SPRED1: variants seen among roughly 807,000 people sequenced by gnomAD.
SPRED1 encodes sprouty related EVH1 domain containing 1.
SPRED1 carries 18 observed loss-of-function variants against 52.3 expected under a neutral mutation model. The ratio of observed to expected loss-of-function variants is 0.34; its 90% CI spans 0.24 to 0.51. The LOEUF is 0.51. Among genes scored for constraint, SPRED1 ranks in the 20% least tolerant of loss-of-function variants. The probability of loss-of-function intolerance (pLI) is 0.97; values close to 1 mark genes in which losing one functional copy is unlikely to be tolerated. For missense variants in SPRED1, 485 were observed against 551.0 expected (o/e 0.88, Z 1.20); for synonymous variants, 155 against 179.7 (o/e 0.86, Z 1.10).
chr15:38,283,474 T>A, intron 1 of SPRED1: 1 of 979,878 alleles, frequency 1.0e-6, no homozygotes. Context: ...ATATTACAGA[T>A]TTTGTGATTT....
intron 4 of SPRED1, among the ~76,000 whole-genome samples, chr15:38,329,350 G>A (rs1166912621): frequency 2.6e-5 from 4 of 152,102 alleles, no homozygotes; most frequent in Admixed American, 2.0e-4. Flanking sequence ...ATGATTAGAA[G>A]GCTATGATTT....
intron 5 of SPRED1, among the ~76,000 whole-genome samples, chr15:38,341,370 T>G (rs1456821709): frequency 6.6e-6 from 1 of 152,066 alleles, no homozygotes; most frequent in African/African-American, 2.4e-5. Context: ...TGGTTTTAGA[T>G]TCTTGTGAAA....
At chr15:38,280,438 C>T (rs779862584) in intron 1 of SPRED1, among the ~76,000 whole-genome samples, 20 of 152,062 alleles carry the variant, frequency 1.3e-4, no homozygotes, top group Non-Finnish European at 2.1e-4. Context: ...TTGAAAAATA[C>T]AGAAAGGTAC....
chr15:38,350,369 A>G lies in SPRED1; in HGVS notation c.685-645A>G, dbSNP rs561544482. 6.6e-5 allele frequency among the ~76,000 whole-genome samples: 10 copies of G among 152,222 alleles called. No individual in the cohort carries two copies. The South Asian group carries it at 2.1e-3, about 32-fold the overall frequency. Reference sequence around the variant, plus strand: ...CTCATAAAGAAAACAGTCAGATTGGATTAAAGTCTCTCTTAAGGGCCACAT... The same window carrying G: ...CTCATAAAGAAAACAGTCAGATTGGGTTAAAGTCTCTCTTAAGGGCCACAT... On this transcript the variant is annotated intron_variant, in intron 6 of 6. Coordinates refer to ENST00000299084, the MANE Select transcript of SPRED1 (RefSeq NM_152594.3).
chr15:38,345,381 T>G (rs1896113838), intron 5 of SPRED1, among the ~76,000 whole-genome samples: 1 of 152,210 alleles, frequency 6.6e-6, no homozygotes, highest in Non-Finnish European at 1.5e-5. Flanking sequence ...ACAAAATAAC[T>G]ATGTCTTTTG....
intron 1 of SPRED1, among the ~76,000 whole-genome samples, chr15:38,294,120 T>C (rs560882111): frequency 5.9e-5 from 9 of 152,346 alleles, no homozygotes; most frequent in African/African-American, 2.2e-4. Flanking sequence ...ACTTACACTG[T>C]GAAGTACTAC....
chr15:38,299,796 C>G (rs551232095), intron 2 of SPRED1, among the ~76,000 whole-genome samples: 1 of 151,860 alleles, frequency 6.6e-6, no homozygotes, highest in African/African-American at 2.4e-5. Flanking sequence ...AATAAATAGT[C>G]CCCCTAGTTA....
chr15:38,308,894 C>G (rs1895305962), intron 2 of SPRED1, among the ~76,000 whole-genome samples: 3 of 152,118 alleles, frequency 2.0e-5, no homozygotes, highest in Admixed American at 6.5e-5. Context: ...TGTTAAGAAA[C>G]TGCAAAACTT....
intron 5 of SPRED1, among the ~76,000 whole-genome samples, chr15:38,341,154 A>G (rs1250226288): frequency 6.6e-6 from 1 of 152,100 alleles, no homozygotes; most frequent in Non-Finnish European, 1.5e-5. Context: ...GTTCATTGGC[A>G]TAAATATATC....
intron 1 of SPRED1, among the ~76,000 whole-genome samples, chr15:38,256,724 A>G (rs999008947): frequency 5.3e-5 from 8 of 152,166 alleles, no homozygotes; most frequent in Non-Finnish European, 8.8e-5. Context: ...AGTGCCTCAT[A>G]AAAAATATAC....
chr15:38,260,545 A>G (rs962486864), intron 1 of SPRED1, among the ~76,000 whole-genome samples: 4 of 152,176 alleles, frequency 2.6e-5, no homozygotes, highest in African/African-American at 9.7e-5. Flanking sequence ...TAGCTGTTAC[A>G]GCTATCTTGA....
chr15:38,356,323 CATT>C lies in SPRED1; in HGVS notation c.*4662_*4664del, dbSNP rs1888620227. 1.3e-5 allele frequency: 2 copies of C among 152,152 alleles called. No homozygotes were observed. The highest frequency in any genetic ancestry group is 2.1e-4 in the South Asian group (1 of 4,818). 9.4% of individuals were successfully genotyped at this position (152,152 alleles called of 1,614,324 possible). ...TTTTGAGTATATAATGTAAATAATACATTATAAGTTTGTAACCATTTCTGTTAC... is the reference window on the plus strand; with the variant it reads ...TTTTGAGTATATAATGTAAATAATACATAAGTTTGTAACCATTTCTGTTAC... On this transcript the variant is annotated 3_prime_UTR_variant, in exon 7 of 7. Coordinates refer to ENST00000299084, the MANE Select transcript of SPRED1 (RefSeq NM_152594.3).
rs1166410178 is a variant in SPRED1 at position 38,322,352 on chromosome 15, G to C, written c.319G>C (p.Ala107Pro). The C allele has an allele frequency of 6.2e-7, 1 of 1,613,718 alleles. No individual in the cohort carries two copies. Among genetic ancestry groups the C allele is most frequent in the Non-Finnish European group, 8.5e-7 (1 of 1,179,872 alleles). The change falls in exon 3 of 7, where the codon GCT becomes CCT. Residue 107 changes from alanine (A) to proline (P), a missense_variant. By Grantham distance (27) the Ala-to-Pro change is conservative. Coordinates refer to ENST00000299084, the MANE Select transcript of SPRED1 (RefSeq NM_152594.3). ...GTTTGGTCTTACGTTTCAAAGTCCT[G>C]CTGATGCTAGGGCTTTTGATAGAGG... ...KKFGLTFQSP[A>P]DARAFDRGIR...
At chr15:38,320,872 A>G (rs1895588976) in intron 2 of SPRED1, among the ~76,000 whole-genome samples, 1 of 152,216 alleles carries the variant, frequency 6.6e-6, no homozygotes, top group Admixed American at 6.5e-5. Context: ...TACTGTGAAT[A>G]TGATGAAAGA....
At chr15:38,330,065 T>C (rs927422824) in intron 4 of SPRED1, among the ~76,000 whole-genome samples, 1 of 152,222 alleles carries the variant, frequency 6.6e-6, no homozygotes, top group Non-Finnish European at 1.5e-5. Context: ...TGAAGATTTA[T>C]GTGTTAGCAG....
In SPRED1 at chr15:38,297,766, T is replaced by C. The variant is rs1895068935; in HGVS notation, c.33-1607T>C. On this transcript the variant is annotated intron_variant, in intron 1 of 6. Transcript: ENST00000299084. ...TTGTCATAATGATAATAAAAAGTAA[T>C]ACTCATATAGTGCTTGTTATGTGTC... 2.0e-5 allele frequency among the ~76,000 whole-genome samples: 3 copies of C among 152,180 alleles called. No homozygotes were observed. The South Asian group carries it at 6.2e-4, about 32-fold the overall frequency.
At chr15:38,259,977 G>A (rs1367260410) in intron 1 of SPRED1, among the ~76,000 whole-genome samples, 5 of 152,180 alleles carry the variant, frequency 3.3e-5, no homozygotes, top group African/African-American at 1.2e-4. Context: ...AATTCAGAGT[G>A]TTTGCGGGCT....
At chr15:38,298,973 T>C (rs1319013334) in intron 1 of SPRED1, among the ~76,000 whole-genome samples, 1 of 152,190 alleles carries the variant, frequency 6.6e-6, no homozygotes, top group African/African-American at 2.4e-5. Context: ...TGTGCTGAAA[T>C]ACAGCAGTTT....
intron 6 of SPRED1, among the ~76,000 whole-genome samples, chr15:38,349,971 C>T (rs1888445586): frequency 6.6e-6 from 1 of 152,062 alleles, no homozygotes; most frequent in African/African-American, 2.4e-5. Context: ...TGTAAGGGGT[C>T]AAAAGACTTA....
Sources: gnomAD v4.1 joint callset for allele counts (sites outside exome capture counted in the v4.1 genomes callset) on GRCh38, gnomAD v4.1.1 for gene constraint, MANE v1.5 for transcripts, NCBI Gene and HGNC (gene_info 2026-07-23, HGNC 2026-07-21) for gene names.